The following PVT1 variants were observed in gnomAD, a reference collection of about 807,000 sequenced individuals.
The protein encoded by PVT1 is Pvt1 oncogene.
Position 128,003,338 on chromosome 8 carries a change from C to A in PVT1, n.912+14047C>A, listed in dbSNP as rs147636067. 5.2e-3 allele frequency among the ~76,000 whole-genome samples: 776 copies of A among 150,214 alleles called. 4 individuals are homozygous for A. The highest frequency in any genetic ancestry group is 0.024 in the Middle Eastern group (7 of 288). ...CCTTCTGTCTCCTCTGCTCCCCTGC[C>A]CTCCCTTCTCCTCCTTCTCCTTCTC... On this transcript the variant is annotated intron_variant and non_coding_transcript_variant, in intron 4 of 10. Coordinates refer to ENST00000651587, the Ensembl canonical transcript of PVT1.
At chr8:128,085,871 G>T (rs1017933206) in intron 5 of PVT1, among the ~76,000 whole-genome samples, 14 of 152,328 alleles carry the variant, frequency 9.2e-5, no homozygotes, top group African/African-American at 3.4e-4. Context: ...ATTAGAGTTT[G>T]TGAAGTGTAA....
intron 4 of PVT1, among the ~76,000 whole-genome samples, chr8:128,022,329 T>C (rs1193351858): frequency 2.0e-5 from 3 of 152,238 alleles, no homozygotes; most frequent in Non-Finnish European, 4.4e-5. Context: ...GAAAGTTGCA[T>C]TCTTCTCTGA....
chr8:128,007,011 A>G (rs937808078), intron 4 of PVT1, among the ~76,000 whole-genome samples: 1 of 152,254 alleles, frequency 6.6e-6, no homozygotes, highest in African/African-American at 2.4e-5. Context: ...CCTGAATTTA[A>G]CAAGGAGGAA....
At chr8:127,867,509 C>T (rs533492632) in intron 2 of PVT1, among the ~76,000 whole-genome samples, 5 of 152,202 alleles carry the variant, frequency 3.3e-5, no homozygotes, top group Admixed American at 6.5e-5. Flanking sequence ...GAGGATGCTC[C>T]GCTGGGGAGG....
chr8:127,980,731 CT>C (rs944367671), intron 3 of PVT1, among the ~76,000 whole-genome samples: 1 of 150,118 alleles, frequency 6.7e-6, no homozygotes, highest in Non-Finnish European at 1.5e-5. Flanking sequence ...AGGAACCATT[CT>C]TTTGAGCTAA....
chr8:128,042,277 T>C lies in PVT1; in HGVS notation n.913-27883T>C, dbSNP rs142071306. On this transcript the variant is annotated intron_variant and non_coding_transcript_variant, in intron 4 of 10. Transcript: ENST00000651587. ...TAAGGCAGAATGTTTAACCCATATT[T>C]TCCAAGAACTGTGTAGGTGGGTTGC... Among the ~76,000 whole-genome samples, 8 of 152,350 alleles carry C rather than the reference T, an allele frequency of 5.3e-5. No homozygotes were observed. The East Asian group carries it at 1.5e-3, about 29-fold the overall frequency.
At chr8:127,845,245 G>C (rs1422041760) in intron 2 of PVT1, among the ~76,000 whole-genome samples, 2 of 152,234 alleles carry the variant, frequency 1.3e-5, no homozygotes, top group African/African-American at 4.8e-5. Context: ...GGCTGAGGTG[G>C]CTTGTTTCCT....
chr8:127,964,579 G>A (rs557860868), intron 3 of PVT1, among the ~76,000 whole-genome samples: 8 of 152,108 alleles, frequency 5.3e-5, no homozygotes, highest in Non-Finnish European at 2.9e-5. Context: ...CAGTTCTGGA[G>A]GCCAGAAGTC....
chr8:128,047,642 A>G (rs1414057831), intron 4 of PVT1, among the ~76,000 whole-genome samples: 1 of 152,214 alleles, frequency 6.6e-6, no homozygotes, highest in Non-Finnish European at 1.5e-5. Flanking sequence ...ATGAGAAGAG[A>G]ATCTTCATTA....
chr8:127,985,039 C>T (rs10097500), intron 3 of PVT1, among the ~76,000 whole-genome samples: 64,493 of 104,068 alleles, frequency 0.62, 23,286 homozygotes, highest in South Asian at 0.79. Flanking sequence ...CCTTCCTTTC[C>T]TTCTTTTTTT....
At chr8:127,957,533 A>C (rs995055358) in intron 3 of PVT1, among the ~76,000 whole-genome samples, 5 of 142,776 alleles carry the variant, frequency 3.5e-5, no homozygotes, top group African/African-American at 1.3e-4. Context: ...GCGCCACTGC[A>C]CTCCAGCCTG....
At chr8:127,995,241 C>T (rs1017734646) in intron 4 of PVT1, among the ~76,000 whole-genome samples, 8 of 152,220 alleles carry the variant, frequency 5.3e-5, no homozygotes, top group African/African-American at 1.9e-4. Flanking sequence ...AAGAGCCACT[C>T]TTGTCCTGTT....
chr8:128,065,911 T>A (rs1272025465), intron 4 of PVT1, among the ~76,000 whole-genome samples: 1 of 152,242 alleles, frequency 6.6e-6, no homozygotes. Context: ...TCCTACTGTG[T>A]GCCCCACACT....
At chr8:127,861,572 AACTTATATTATG>A (rs1815229019) in intron 2 of PVT1, among the ~76,000 whole-genome samples, 1 of 150,488 alleles carries the variant, frequency 6.6e-6, no homozygotes, top group Non-Finnish European at 1.5e-5. Context: ...TTTTTTTTTT[AACTTATATTATG>A]ACCATCTCCT....
intron 5 of PVT1, among the ~76,000 whole-genome samples, chr8:128,072,751 T>C (rs1164939296): frequency 6.6e-6 from 1 of 152,218 alleles, no homozygotes; most frequent in Non-Finnish European, 1.5e-5. Context: ...GAAAAATAAA[T>C]CAGGTAGCTT....
chr8:127,919,489 A>G (rs771864845), intron 3 of PVT1, among the ~76,000 whole-genome samples: 33 of 152,102 alleles, frequency 2.2e-4, no homozygotes, highest in Non-Finnish European at 4.7e-4. Context: ...ACTTTTGTGC[A>G]ATGTTATATA....
At chr8:127,986,235 G>A (rs529989950) in intron 3 of PVT1, among the ~76,000 whole-genome samples, 1 of 152,210 alleles carries the variant, frequency 6.6e-6, no homozygotes, top group South Asian at 2.1e-4. Context: ...GCAGAGAGGA[G>A]AACAGATGTT....
intron 2 of PVT1, among the ~76,000 whole-genome samples, chr8:127,875,688 A>C (rs918821466): frequency 6.6e-6 from 1 of 151,940 alleles, no homozygotes; most frequent in African/African-American, 2.4e-5. Context: ...GCTATTTCCT[A>C]GTTCAGTGAC....
intron 4 of PVT1, among the ~76,000 whole-genome samples, chr8:128,006,508 T>G (rs1817249224): frequency 6.6e-6 from 1 of 152,170 alleles, no homozygotes; most frequent in Admixed American, 6.5e-5. Flanking sequence ...TTCTGTGTAA[T>G]GAATAAGTAT....
Sources: gnomAD v4.1 joint callset for allele counts (sites outside exome capture counted in the v4.1 genomes callset) on GRCh38, gnomAD v4.1.1 for gene constraint, MANE v1.5 for transcripts, NCBI Gene and HGNC (gene_info 2026-07-23, HGNC 2026-07-21) for gene names.